SSX2IP: variants seen among roughly 807,000 people sequenced by gnomAD.
SSX2IP encodes SSX family member 2 interacting protein.
A neutral mutation model predicts 84.9 loss-of-function variants in SSX2IP; 55 were observed. That is an observed-to-expected ratio of 0.65 (90% CI 0.52 to 0.81). The LOEUF (loss-of-function observed/expected upper bound fraction) is 0.81. SSX2IP is among the 30% of genes least tolerant of loss of function. The pLI is 0.00. For synonymous variants in SSX2IP, 239 were observed against 234.7 expected (o/e 1.02, Z -0.17); for missense variants, 664 against 705.2 (o/e 0.94, Z 0.66).
chr1:84,656,960 C>T (rs1306975949), intron 9 of SSX2IP, among the ~76,000 whole-genome samples: 1 of 152,090 alleles, frequency 6.6e-6, no homozygotes, highest in Non-Finnish European at 1.5e-5. Context: ...AATACGAAGT[C>T]CAAACATACT....
At chr1:84,669,104 A>G (rs1266338395) in intron 4 of SSX2IP, among the ~76,000 whole-genome samples, 2 of 152,148 alleles carry the variant, frequency 1.3e-5, no homozygotes, top group South Asian at 2.1e-4. Context: ...AAATCAAAAT[A>G]GAAACCAGCA....
intron 1 of SSX2IP, among the ~76,000 whole-genome samples, chr1:84,675,472 G>A (rs1654193677): frequency 6.6e-6 from 1 of 152,182 alleles, no homozygotes; most frequent in Non-Finnish European, 1.5e-5. Flanking sequence ...AACTGCATCA[G>A]GCAAACCAGC....
chr1:84,669,956 C>A (rs1445200674), intron 3 of SSX2IP, 63 bp from the exon 4 acceptor site: 1 of 1,229,232 alleles, frequency 8.1e-7, no homozygotes, highest in Admixed American at 2.1e-5. Flanking sequence ...TCAGAGGATA[C>A]AAACTTTCAG....
chr1:84,690,542 G>C (rs1422899269), upstream of SSX2IP: 1 of 151,790 alleles, frequency 6.6e-6, no homozygotes, highest in Non-Finnish European at 1.5e-5. Context: ...GCAGGTTTCC[G>C]AGGTTCCCAC....
chr1:84,690,570 G>GCGCCGCAGGCCC (rs1553136831), upstream of SSX2IP: 1 of 152,252 alleles, frequency 6.6e-6, no homozygotes, highest in African/African-American at 2.4e-5. Flanking sequence ...CCGCGCGCCG[G>GCGCCGCAGGCCC]CGCCGCAGGC....
intron 10 of SSX2IP, 112 bp from the exon 11 acceptor site, chr1:84,656,117 T>G: frequency 3.7e-6 from 4 of 1,090,230 alleles, no homozygotes; most frequent in Non-Finnish European, 5.1e-6. Flanking sequence ...TAGAAATTAT[T>G]AAGAATCAAA....
In SSX2IP at chr1:84,650,070, A is replaced by G; in HGVS notation, c.1670+292T>C. On this transcript the variant is annotated intron_variant, in intron 13 of 13. Coordinates refer to ENST00000342203, the MANE Select transcript of SSX2IP (RefSeq NM_001166293.2). Reference sequence around the variant, plus strand: ...AAGTGCTTAAAATATTAACTCCTATAATTAAGACTACATTCTAAATTGTAT... The same window carrying G: ...AAGTGCTTAAAATATTAACTCCTATGATTAAGACTACATTCTAAATTGTAT... 4 of 634,384 alleles carry G rather than the reference A, an allele frequency of 6.3e-6. No individual in the cohort carries two copies. In the South Asian group the frequency reaches 7.2e-5, roughly 11 times the overall value. 39.3% of individuals were successfully genotyped at this position (634,384 alleles called of 1,614,324 possible).
chr1:84,654,329 C>G (rs998698682), intron 11 of SSX2IP, among the ~76,000 whole-genome samples: 7 of 152,010 alleles, frequency 4.6e-5, no homozygotes, highest in Non-Finnish European at 7.4e-5. Flanking sequence ...TACAATCAGG[C>G]TTCTCATCAG....
At chr1:84,677,360 G>GTGA (rs1198062917) in intron 1 of SSX2IP, among the ~76,000 whole-genome samples, 2 of 152,064 alleles carry the variant, frequency 1.3e-5, no homozygotes, top group Non-Finnish European at 2.9e-5. Context: ...GTTTTTTCTG[G>GTGA]TTAATCACAT....
At chr1:84,670,895 T>G in intron 2 of SSX2IP, 80 bp from the exon 3 acceptor site, 1 of 1,086,620 alleles carries the variant, frequency 9.2e-7, no homozygotes, top group Non-Finnish European at 1.3e-6. Context: ...ACTAAAGACT[T>G]TGAATTACAT....
At chr1:84,680,206 G>C (rs1654888428) in intron 1 of SSX2IP, 2 of 152,186 alleles carry the variant, frequency 1.3e-5, no homozygotes, top group Non-Finnish European at 2.9e-5. Flanking sequence ...AAAGCAGGGA[G>C]CTACATGCTG....
chr1:84,647,383 G>C lies in SSX2IP; in HGVS notation c.*50C>G, dbSNP rs1570538676. 6.8e-7 allele frequency: 1 copy of C among 1,460,088 alleles called. No homozygotes were observed. Among genetic ancestry groups the C allele is most frequent in the Non-Finnish European group, 9.2e-7 (1 of 1,086,574 alleles). The allele number at this position is 1,460,088 out of a possible 1,614,324, so 90.4% of individuals were successfully genotyped here. On this transcript the variant is annotated 3_prime_UTR_variant, in exon 14 of 14. Transcript: ENST00000342203. The stretch of plus-strand genomic sequence containing the variant: ...TTATGACACACCCTGTTTCAACTTA[G>C]ATGTGAAACTTGATGAACACATTAA...
Position 84,658,315 on chromosome 1 carries a change from T to C in SSX2IP, c.1078+3A>G, listed in dbSNP as rs373897498. 18 of 1,613,960 alleles carry C rather than the reference T, an allele frequency of 1.1e-5. No individual in the cohort carries two copies. In the African/African-American group the frequency reaches 2.4e-4, roughly 22 times the overall value. ...ACTTTACATGCATAGAAGCAGTGGTTACCTTGGTTATCAAGCTTTTCTACA... is the reference window on the plus strand; with the variant it reads ...ACTTTACATGCATAGAAGCAGTGGTCACCTTGGTTATCAAGCTTTTCTACA... On this transcript the variant is annotated splice_donor_region_variant and intron_variant, in intron 9 of 13. Transcript: ENST00000342203.
intron 13 of SSX2IP, 177 bp downstream of exon 13, chr1:84,650,185 T>G: frequency 1.5e-6 from 1 of 655,032 alleles, no homozygotes; most frequent in Non-Finnish European, 2.7e-6. Flanking sequence ...TTCCAGCATC[T>G]AGCACAGTGT....
chr1:84,651,248 G>A (rs985317606), intron 12 of SSX2IP, among the ~76,000 whole-genome samples: 17 of 151,864 alleles, frequency 1.1e-4, no homozygotes, highest in African/African-American at 3.6e-4. Context: ...AGCCCAGGAC[G>A]CTGAGGCTGC....
intron 1 of SSX2IP, among the ~76,000 whole-genome samples, chr1:84,679,613 T>C (rs1043378211): frequency 4.6e-5 from 7 of 152,194 alleles, no homozygotes; most frequent in Admixed American, 2.6e-4. Flanking sequence ...ATTTCCAAGA[T>C]GCTCTCTTCA....
In SSX2IP at chr1:84,644,612, TCA is replaced by T. The variant is rs1649263521; in HGVS notation, c.*2819_*2820del. On this transcript the variant is annotated 3_prime_UTR_variant, in exon 14 of 14. Coordinates refer to ENST00000342203, the MANE Select transcript of SSX2IP (RefSeq NM_001166293.2). ...GTAATCACAGCAGGGTCTTGCTAAC[TCA>T]CAAATTTAGCATACATGCTGCAAAA... The T allele has an allele frequency of 6.6e-6, 1 of 152,228 alleles. No homozygotes were observed. The highest frequency in any genetic ancestry group is 6.5e-5 in the Admixed American group (1 of 15,276). The allele number at this position is 152,228 out of a possible 1,614,324, so 9.4% of individuals were successfully genotyped here.
At chr1:84,675,667 C>T (rs1654220167) in intron 1 of SSX2IP, among the ~76,000 whole-genome samples, 1 of 152,212 alleles carries the variant, frequency 6.6e-6, no homozygotes, top group Non-Finnish European at 1.5e-5. Flanking sequence ...TATCCCTCTG[C>T]TTACCTGAGA....
chr1:84,681,571 C>T (rs1655083608), intron 1 of SSX2IP, among the ~76,000 whole-genome samples: 1 of 152,096 alleles, frequency 6.6e-6, no homozygotes, highest in Non-Finnish European at 1.5e-5. Flanking sequence ...GCTTTCACCT[C>T]TTCCATAGCA....
Sources: gnomAD v4.1 joint callset for allele counts (sites outside exome capture counted in the v4.1 genomes callset) on GRCh38, gnomAD v4.1.1 for gene constraint, MANE v1.5 for transcripts, NCBI Gene and HGNC (gene_info 2026-07-23, HGNC 2026-07-21) for gene names.